The following KMO variants were observed in gnomAD, a reference collection of about 807,000 sequenced individuals.
KMO encodes kynurenine 3-hydroxylase.
A neutral mutation model predicts 57.8 loss-of-function variants in KMO; 24 were observed. That is an observed-to-expected ratio of 0.42 (90% confidence interval 0.30 to 0.58). The LOEUF is 0.58. KMO is among the 20% of genes least tolerant of loss of function. KMO has a pLI of 0.22. For missense variants in KMO, 483 were observed against 588.2 expected (o/e 0.82, Z 1.85); for synonymous variants, 210 against 193.6 (o/e 1.08, Z -0.70).
Position 241,589,357 on chromosome 1 carries a change from G to T in KMO, c.1098+527G>T, listed in dbSNP as rs570757442. Among the ~76,000 whole-genome samples the T allele has an allele frequency of 3.9e-5, 6 of 152,078 alleles. No individual in the cohort carries two copies. In the South Asian group the frequency reaches 8.3e-4, roughly 21 times the overall value. On this transcript the variant is annotated intron_variant, in intron 12 of 14. Transcript: ENST00000366559. ...CCATTTTGAACCAGTCACATGTAAA[G>T]CTCATGGTAAGTGATTGTGATTATA... is the stretch of plus-strand genomic sequence containing the variant.
intron 3 of KMO, 117 bp downstream of exon 3, chr1:241,549,891 A>C: frequency 1.4e-6 from 1 of 694,400 alleles, no homozygotes; most frequent in South Asian, 1.9e-5. Flanking sequence ...CTGCATGAAA[A>C]CTCATTCTAC....
intron 12 of KMO, 115 bp downstream of exon 12, chr1:241,588,945 T>C: frequency 2.9e-6 from 2 of 693,868 alleles, no homozygotes; most frequent in South Asian, 1.8e-5. Flanking sequence ...TAAGAATACC[T>C]ACAGATAAGA....
At chr1:241,581,019 T>C (rs1273892689) in intron 10 of KMO, among the ~76,000 whole-genome samples, 1 of 152,188 alleles carries the variant, frequency 6.6e-6, no homozygotes, top group Non-Finnish European at 1.5e-5. Context: ...CTGTGTTGGA[T>C]GCATAGATAT....
intron 1 of KMO, among the ~76,000 whole-genome samples, 175 bp downstream of exon 1, chr1:241,532,673 T>C (rs1391261717): frequency 1.3e-5 from 2 of 151,656 alleles, no homozygotes; most frequent in African/African-American, 4.8e-5. Flanking sequence ...AGATTTAATA[T>C]AGTATGAGTT....
chr1:241,576,058 T>C (rs1209283161), intron 10 of KMO, among the ~76,000 whole-genome samples: 1 of 151,592 alleles, frequency 6.6e-6, no homozygotes, highest in African/African-American at 2.4e-5. Context: ...TTAAAGTCTG[T>C]TTTATCTGAT....
At chr1:241,587,934 A>G (rs1663072804) in intron 11 of KMO, among the ~76,000 whole-genome samples, 1 of 152,148 alleles carries the variant, frequency 6.6e-6, no homozygotes, top group African/African-American at 2.4e-5. Flanking sequence ...AGAACTGGAT[A>G]ACCTTTTCCT....
chr1:241,533,360 G>T (rs543679862), intron 1 of KMO, among the ~76,000 whole-genome samples: 7 of 152,288 alleles, frequency 4.6e-5, no homozygotes, highest in Admixed American at 1.3e-4. Flanking sequence ...TATTGAGGGC[G>T]TAACACTGTT....
intron 1 of KMO, among the ~76,000 whole-genome samples, chr1:241,548,401 G>A (rs11808201): frequency 0.24 from 36,555 of 152,172 alleles, 4,623 homozygotes; most frequent in Admixed American, 0.36. Context: ...GTCTATGTGA[G>A]AGGAAGAGGA....
intron 1 of KMO, among the ~76,000 whole-genome samples, chr1:241,547,909 A>G (rs1216985352): frequency 3.3e-5 from 5 of 152,158 alleles, no homozygotes. Context: ...CATTGTTAAC[A>G]TATTCCCAGA....
chr1:241,574,816 T>C (rs1662446431), intron 10 of KMO, among the ~76,000 whole-genome samples: 1 of 152,040 alleles, frequency 6.6e-6, no homozygotes. Context: ...TGTCTCAATC[T>C]TTTGGAATAG....
Position 241,592,158 on chromosome 1 carries a change from A to T in KMO, c.*5A>T. On this transcript the variant is annotated 3_prime_UTR_variant, in exon 15 of 15. Coordinates refer to ENST00000366559, the MANE Select transcript of KMO (RefSeq NM_003679.5). ...TCCAATCTCATTAGCAGGTGATAGAAAGGTTTTGTGGTAGCAAATGCATGA... is the reference window on the plus strand; with the variant it reads ...TCCAATCTCATTAGCAGGTGATAGATAGGTTTTGTGGTAGCAAATGCATGA... The T allele has an allele frequency of 1.2e-6, 2 of 1,611,536 alleles. No homozygotes were observed. Among genetic ancestry groups the T allele is most frequent in the Non-Finnish European group, 1.7e-6 (2 of 1,178,392 alleles).
chr1:241,582,865 A>G (rs998426914), intron 10 of KMO, among the ~76,000 whole-genome samples: 2 of 151,916 alleles, frequency 1.3e-5, no homozygotes, highest in African/African-American at 4.8e-5. Flanking sequence ...TTAGGTGTCT[A>G]TTTTGTCTAT....
intron 4 of KMO, among the ~76,000 whole-genome samples, chr1:241,552,115 C>T (rs938609118): frequency 2.0e-5 from 3 of 151,838 alleles, no homozygotes; most frequent in African/African-American, 4.8e-5. Flanking sequence ...AGGAGAGGGA[C>T]TTGGAGATGA....
chr1:241,589,357 G>A (rs570757442), intron 12 of KMO, among the ~76,000 whole-genome samples: 9 of 151,960 alleles, frequency 5.9e-5, no homozygotes, highest in Non-Finnish European at 1.3e-4. Flanking sequence ...CACATGTAAA[G>A]CTCATGGTAA....
rs1662085605 is a variant in KMO, at chr1:241,566,534, T to C, written c.731T>C (p.Phe244Ser). 3.1e-6 allele frequency: 5 copies of C among 1,613,674 alleles called. No homozygotes were observed. Among genetic ancestry groups the C allele is most frequent in the Admixed American group, 1.7e-5 (1 of 59,992 alleles). Reference protein sequence around the residue: ...TCTLFMPFEEFEKLLTSNDVV... With the variant: ...TCTLFMPFEESEKLLTSNDVV... The stretch of plus-strand genomic sequence containing the variant: ...ACTTTGTTCATGCCCTTTGAAGAGT[T>C]TGAAAAACTTCTAACCAGTAATGAT... Residue 244 changes from phenylalanine to serine, a missense_variant, in exon 9 of 15, where the codon TTT becomes TCT. By Grantham distance (155) the Phe-to-Ser change is radical. Coordinates refer to ENST00000366559, the MANE Select transcript of KMO (RefSeq NM_003679.5).
At chr1:241,568,170 C>T (rs866855121) in intron 9 of KMO, among the ~76,000 whole-genome samples, 1 of 152,072 alleles carries the variant, frequency 6.6e-6, no homozygotes, top group Non-Finnish European at 1.5e-5. Context: ...TTATGGAAAC[C>T]TAAAATACAC....
chr1:241,572,232 T>C (rs1021851175), intron 10 of KMO, among the ~76,000 whole-genome samples: 1 of 152,134 alleles, frequency 6.6e-6, no homozygotes, highest in Admixed American at 6.5e-5. Flanking sequence ...GGGCTTTTCT[T>C]TGATGGGAAA....
Position 241,563,476 on chromosome 1 carries a change from C to T in KMO, c.615+1144C>T, listed in dbSNP as rs182012670. Among the ~76,000 whole-genome samples, 4 of 152,236 alleles carry T rather than the reference C, an allele frequency of 2.6e-5. No homozygotes were observed. The East Asian group carries it at 7.7e-4, about 29-fold the overall frequency. On this transcript the variant is annotated intron_variant, in intron 7 of 14. Coordinates refer to ENST00000366559, the MANE Select transcript of KMO (RefSeq NM_003679.5). Reference sequence around the variant, plus strand: ...TATCAGCCAGTAAAATCCATATTTTCACATTTCATTACCTTTCTGTTTCAT... The same window carrying T: ...TATCAGCCAGTAAAATCCATATTTTTACATTTCATTACCTTTCTGTTTCAT...
In KMO at chr1:241,583,415, G is replaced by A. The variant is rs541475202; in HGVS notation, c.958-3264G>A. On this transcript the variant is annotated intron_variant, in intron 10 of 14. Coordinates refer to ENST00000366559, the MANE Select transcript of KMO (RefSeq NM_003679.5). The stretch of plus-strand genomic sequence containing the variant: ...TCCCTTCTGCCCCAGGGTGGGTATA[G>A]AAATGCCATCCAGGAGCTAAGACCT... 2.6e-4 allele frequency among the ~76,000 whole-genome samples: 40 copies of A among 152,318 alleles called. No individual in the cohort carries two copies. The South Asian group carries it at 7.7e-3, about 29-fold the overall frequency.
Sources: allele counts gnomAD v4.1 joint callset (sites outside exome capture counted in the v4.1 genomes callset), GRCh38; gene constraint gnomAD v4.1.1; transcripts MANE v1.5; gene names NCBI Gene and HGNC (gene_info 2026-07-23, HGNC 2026-07-21).